The following GRIP1 variants were observed in gnomAD, a reference collection of about 807,000 sequenced individuals.
GRIP1 encodes the protein glutamate receptor interacting protein 1.
In GRIP1, 45 loss-of-function variants were observed where a neutral mutation model predicts 129.9. The ratio of observed to expected loss-of-function variants is 0.35; its 90% CI spans 0.27 to 0.44. The LOEUF (loss-of-function observed/expected upper bound fraction) is 0.44, where lower values mean the gene tolerates loss of function less well. Among genes scored for constraint, GRIP1 ranks in the 20% least tolerant of loss-of-function variants. The pLI is 1.00. For missense variants in GRIP1, 1,196 were observed against 1,396.8 expected, an observed-to-expected ratio of 0.86 and a Z score of 2.29; for synonymous variants, 530 against 520.8, an observed-to-expected ratio of 1.02 and a Z score of -0.24.
chr12:66,704,391 T>C (rs2035458216), intron 1 of GRIP1, among the ~76,000 whole-genome samples: 1 of 151,946 alleles, frequency 6.6e-6, no homozygotes, highest in African/African-American at 2.4e-5. Flanking sequence ...AAGAAAAATG[T>C]TAATATTATT....
intron 1 of GRIP1, among the ~76,000 whole-genome samples, chr12:67,023,089 C>T (rs2042891711): frequency 6.6e-6 from 1 of 152,122 alleles, no homozygotes; most frequent in Non-Finnish European, 1.5e-5. Flanking sequence ...TATTTCCTCT[C>T]AGGTGGTGGC....
chr12:66,933,159 T>C (rs1268790983), intron 1 of GRIP1, among the ~76,000 whole-genome samples: 1 of 152,188 alleles, frequency 6.6e-6, no homozygotes, highest in African/African-American at 2.4e-5. Context: ...GCTGATGTAA[T>C]GTAACTTCTT....
intron 7 of GRIP1, among the ~76,000 whole-genome samples, chr12:66,485,436 T>G (rs2059927089): frequency 6.6e-6 from 1 of 151,154 alleles, no homozygotes; most frequent in Non-Finnish European, 1.5e-5. Flanking sequence ...ATAATTAAAA[T>G]AGTTTTAAAA....
intron 1 of GRIP1, among the ~76,000 whole-genome samples, chr12:66,992,297 G>A (rs1233206629): frequency 6.6e-6 from 1 of 152,122 alleles, no homozygotes; most frequent in Admixed American, 6.5e-5. Flanking sequence ...ACATGAAGAA[G>A]CAGGCTGCAT....
At chr12:67,048,612 T>C (rs1431526921) in intron 1 of GRIP1, among the ~76,000 whole-genome samples, 2 of 152,014 alleles carry the variant, frequency 1.3e-5, no homozygotes, top group African/African-American at 2.4e-5. Flanking sequence ...GGCACTGATA[T>C]GGTTTAGCTG....
intron 1 of GRIP1, among the ~76,000 whole-genome samples, chr12:66,659,282 T>C (rs1322269748): frequency 1.3e-5 from 2 of 152,258 alleles, no homozygotes; most frequent in South Asian, 2.1e-4. Flanking sequence ...ATTTGAATAT[T>C]TGTTTATTGT....
intron 1 of GRIP1, among the ~76,000 whole-genome samples, chr12:66,815,836 C>CTT (rs1566036716): frequency 4.4e-4 from 16 of 36,746 alleles, no homozygotes; most frequent in Middle Eastern, 0.026. Flanking sequence ...TTCTTTCTTT[C>CTT]TTTCTTTCTT....
intron 1 of GRIP1, among the ~76,000 whole-genome samples, chr12:66,744,134 A>G (rs1285100119): frequency 6.6e-6 from 1 of 152,230 alleles, no homozygotes; most frequent in East Asian, 1.9e-4. Context: ...AGCAAGTAAC[A>G]GAGTAAGTTA....
intron 1 of GRIP1, among the ~76,000 whole-genome samples, chr12:66,606,610 A>G (rs965942864): frequency 6.6e-6 from 1 of 152,200 alleles, no homozygotes; most frequent in Non-Finnish European, 1.5e-5. Context: ...CAATAACTCA[A>G]TAAAATGTAA....
intron 16 of GRIP1, among the ~76,000 whole-genome samples, chr12:66,405,300 C>T (rs774085307): frequency 2.6e-5 from 4 of 152,122 alleles, no homozygotes; most frequent in Non-Finnish European, 5.9e-5. Flanking sequence ...TGACTTTACC[C>T]ACGAGATTGG....
chr12:66,596,831 A>C lies in GRIP1; in HGVS notation c.136+16T>G. On this transcript the variant is annotated intron_variant, in intron 2 of 24. Coordinates refer to ENST00000359742, the MANE Select transcript of GRIP1 (RefSeq NM_001366722.1). ...CAAAAGTAAAACAGCTGAAAAATCC[A>C]ACAGTCTGGTCTAACCTGGGATGCT... 6.4e-7 allele frequency: 1 copy of C among 1,562,424 alleles called. No individual in the cohort carries two copies. Among genetic ancestry groups the C allele is most frequent in the Non-Finnish European group, 8.8e-7 (1 of 1,132,806 alleles).
chr12:66,755,853 T>C (rs1412291527), intron 1 of GRIP1, among the ~76,000 whole-genome samples: 4 of 152,170 alleles, frequency 2.6e-5, no homozygotes, highest in Non-Finnish European at 4.4e-5. Context: ...TTTTTCACTG[T>C]TGTGGAGTGT....
chr12:66,365,414 G>C (rs912149603), intron 23 of GRIP1, among the ~76,000 whole-genome samples: 1 of 152,318 alleles, frequency 6.6e-6, no homozygotes, highest in African/African-American at 2.4e-5. Context: ...TCCAGCCTGG[G>C]CAACAAAGCC....
At chr12:66,446,539 A>G (rs116650850) in intron 11 of GRIP1, among the ~76,000 whole-genome samples, 2 of 152,166 alleles carry the variant, frequency 1.3e-5, no homozygotes, top group African/African-American at 4.8e-5. Context: ...CATACGGTAC[A>G]TTGATTCAAC....
intron 14 of GRIP1, among the ~76,000 whole-genome samples, chr12:66,424,024 A>C (rs2057898598): frequency 6.6e-6 from 1 of 152,188 alleles, no homozygotes; most frequent in East Asian, 1.9e-4. Flanking sequence ...ATATTTTATG[A>C]AATGATTTTA....
At chr12:67,017,932 T>G (rs1469993040) in intron 1 of GRIP1, among the ~76,000 whole-genome samples, 1 of 152,196 alleles carries the variant, frequency 6.6e-6, no homozygotes, top group East Asian at 1.9e-4. Context: ...TGGCTCCGGT[T>G]GCAGAATTCT....
intron 14 of GRIP1, among the ~76,000 whole-genome samples, chr12:66,421,214 T>C (rs1020860033): frequency 1.3e-5 from 2 of 152,136 alleles, no homozygotes; most frequent in South Asian, 2.1e-4. Flanking sequence ...CACTTCAGTG[T>C]AGAGTGGGAA....
chr12:66,578,954 C>G (rs1450200691), intron 2 of GRIP1, among the ~76,000 whole-genome samples: 1 of 152,208 alleles, frequency 6.6e-6, no homozygotes, highest in Non-Finnish European at 1.5e-5. Flanking sequence ...CAGACTGCCT[C>G]CTCAAGTGGG....
chr12:66,632,614 A>G (rs909951785), intron 1 of GRIP1, among the ~76,000 whole-genome samples: 3 of 152,226 alleles, frequency 2.0e-5, no homozygotes, highest in African/African-American at 7.2e-5. Flanking sequence ...GTCAGGTCAC[A>G]TTCAGGTCTT....
Sources: allele counts gnomAD v4.1 joint callset (sites outside exome capture counted in the v4.1 genomes callset), GRCh38; gene constraint gnomAD v4.1.1; transcripts MANE v1.5; gene names NCBI Gene and HGNC (gene_info 2026-07-23, HGNC 2026-07-21).